SYNE1: variants seen among roughly 807,000 people sequenced by gnomAD.
SYNE1 encodes spectrin repeat containing nuclear envelope protein 1, also known as nesprin-1.
In SYNE1, 616 loss-of-function variants were observed where a neutral mutation model predicts 1,111.0. The ratio of observed to expected loss-of-function variants is 0.55; its 90% CI spans 0.52 to 0.59. The LOEUF (loss-of-function observed/expected upper bound fraction) is 0.59. Ranked by LOEUF, SYNE1 falls within the 20% of genes least tolerant of loss-of-function variation. The pLI is 0.00. For missense variants in SYNE1, 10,006 were observed against 10,417.0 expected, an observed-to-expected ratio of 0.96 and a Z score of 1.72; for synonymous variants, 3,855 against 3,825.8, an observed-to-expected ratio of 1.01 and a Z score of -0.28.
intron 126 of SYNE1, among the ~76,000 whole-genome samples, chr6:152,205,696 C>T (rs745632769): frequency 6.6e-6 from 1 of 152,170 alleles, no homozygotes; most frequent in Non-Finnish European, 1.5e-5. Flanking sequence ...CTTAATACAC[C>T]TCCTGGAGAT....
intron 39 of SYNE1, among the ~76,000 whole-genome samples, chr6:152,420,162 A>G (rs2098233421): frequency 1.3e-5 from 2 of 152,180 alleles, no homozygotes; most frequent in Admixed American, 1.3e-4. Context: ...TTTGTCATCC[A>G]TAGACAATTA....
Position 152,511,046 on chromosome 6 carries a change from G to T in SYNE1, c.367C>A (p.Leu123Ile), listed in dbSNP as rs1488227663. The change falls in exon 7 of 146, where the codon CTT becomes ATT. Residue 123 changes from leucine to isoleucine, a missense_variant. Around this residue, in one of 7 missense-constraint regions of SYNE1, gnomAD observed 1,971 missense variants for 2,084.1 expected, o/e 0.95. Coordinates refer to ENST00000367255, the MANE Select transcript of SYNE1 (RefSeq NM_182961.4). ...DIADGRPSIVLGLMWTIILYF... is the reference protein window; with the variant it reads ...DIADGRPSIVIGLMWTIILYF... ...AGAATAATGGTCCACATCAATCCAA[G>T]AACTATTGAGGGTCGGCCATCAGCT... The T allele has an allele frequency of 6.2e-7, 1 of 1,613,982 alleles. No individual in the cohort carries two copies. The highest frequency in any genetic ancestry group is 8.5e-7 in the Non-Finnish European group (1 of 1,179,904).
intron 125 of SYNE1, 107 bp downstream of exon 125, chr6:152,207,865 T>C (rs2076806472): frequency 6.0e-6 from 6 of 999,346 alleles, no homozygotes; most frequent in South Asian, 2.7e-5. Context: ...ACAATGTTTG[T>C]CCCAGCTGCA....
intron 73 of SYNE1, among the ~76,000 whole-genome samples, chr6:152,345,905 T>C (rs572397248): frequency 1.3e-5 from 2 of 152,326 alleles, no homozygotes; most frequent in East Asian, 3.9e-4. Flanking sequence ...TAAGTCATAT[T>C]TGTCAGTTAC....
chr6:152,318,800 TA>T, intron 85 of SYNE1, 62 bp downstream of exon 85: 1 of 1,597,260 alleles, frequency 6.3e-7, no homozygotes, highest in Non-Finnish European at 8.5e-7. Flanking sequence ...TATCCCCAAG[TA>T]AAACTGACTC....
At position 152,373,018 on chromosome 6, in the gene SYNE1, T is replaced by C. The variant is rs200381107; in HGVS notation, c.9507+19A>G. The C allele has an allele frequency of 1.5e-4, 241 of 1,610,406 alleles. No individual in the cohort carries two copies. The African/African-American group carries it at 2.9e-3, about 19-fold the overall frequency. ...TAACAAATAACACAGAATGCTTCCA[T>C]GTGGTTGGCTATATATACCTCTAGA... On this transcript the variant is annotated intron_variant, in intron 59 of 145. Transcript: ENST00000367255.
chr6:152,300,983 C>A (rs2095137975), intron 92 of SYNE1, among the ~76,000 whole-genome samples: 1 of 152,212 alleles, frequency 6.6e-6, no homozygotes, highest in Non-Finnish European at 1.5e-5. Flanking sequence ...ATTTGTAAAA[C>A]AATCAGGGAT....
intron 87 of SYNE1, chr6:152,315,147 T>C (rs901387832): frequency 6.6e-6 from 1 of 151,280 alleles, no homozygotes; most frequent in Non-Finnish European, 1.5e-5. Context: ...ATATTTTGGA[T>C]TGTAGCCATA....
intron 127 of SYNE1, among the ~76,000 whole-genome samples, chr6:152,191,465 T>A (rs1202652401): frequency 6.6e-6 from 1 of 152,130 alleles, no homozygotes; most frequent in Non-Finnish European, 1.5e-5. Context: ...TTACTTGCTA[T>A]TGGTCTGCTT....
intron 3 of SYNE1, among the ~76,000 whole-genome samples, chr6:152,594,025 C>G (rs818453): frequency 0.06 from 9,168 of 152,202 alleles, 435 homozygotes; most frequent in East Asian, 0.2. Context: ...TCCCCCACCC[C>G]CTGCCTCCGC....
chr6:152,259,293 T>C (rs73783819), intron 101 of SYNE1, among the ~76,000 whole-genome samples: 2,724 of 152,312 alleles, frequency 0.018, 71 homozygotes, highest in African/African-American at 0.062. Context: ...TTTAGAAATG[T>C]ATGCACTATT....
chr6:152,433,235 T>TA (rs965655915), intron 34 of SYNE1, among the ~76,000 whole-genome samples: 43 of 152,148 alleles, frequency 2.8e-4, no homozygotes, highest in Non-Finnish European at 5.1e-4. Flanking sequence ...TGGCCAATGA[T>TA]AGTCTATCCA....
chr6:152,340,359 A>G (rs772719737), intron 74 of SYNE1, among the ~76,000 whole-genome samples: 32 of 152,236 alleles, frequency 2.1e-4, no homozygotes, highest in African/African-American at 4.8e-4. Flanking sequence ...ATACATCCCA[A>G]TTTGCTGGGT....
chr6:152,507,893 T>C (rs1029745897), intron 8 of SYNE1, among the ~76,000 whole-genome samples: 1 of 152,202 alleles, frequency 6.6e-6, no homozygotes, highest in African/African-American at 2.4e-5. Context: ...CTGAAATCAT[T>C]TTTAAATTTA....
At chr6:152,262,927 C>A (rs940138724) in intron 100 of SYNE1, among the ~76,000 whole-genome samples, 2 of 150,166 alleles carry the variant, frequency 1.3e-5, no homozygotes, top group African/African-American at 4.9e-5. Flanking sequence ...GAAGGTAGCA[C>A]AGGACACGGG....
In SYNE1 at chr6:152,239,645, A is replaced by G. The variant is rs112515025; in HGVS notation, c.19955T>C (p.Ile6652Thr). 3.7e-6 allele frequency: 6 copies of G among 1,614,214 alleles called. No homozygotes were observed. The highest frequency in any genetic ancestry group is 5.1e-6 in the Non-Finnish European group (6 of 1,180,040). Residue 6652 changes from isoleucine to threonine, a missense_variant, in exon 108 of 146, where the codon ATC becomes ACC. Physicochemically the swap from Ile to Thr is moderately conservative, Grantham distance 89. Around this residue, in one of 7 missense-constraint regions of SYNE1, gnomAD observed 2,182 missense variants for 2,287.8 expected, o/e 0.95. Coordinates refer to ENST00000367255, the MANE Select transcript of SYNE1 (RefSeq NM_182961.4). The stretch of plus-strand genomic sequence containing the variant: ...GGTTTCCTTTTGGACTGCAAAGCTG[A>G]TTATCTTTCTGAAGAGTGTTTCAGT... The part of the protein sequence containing the change: ...ILTETLFRKI[I>T]SFAVQKETQF...
At position 152,510,446 on chromosome 6, in the gene SYNE1, C is replaced by T. The variant is rs944751461; in HGVS notation, c.403-75G>A. ...TATTTCCTCAGATGTTTTACTTTTC[C>T]AGCAACAAATGAGTTATGTTAACAC... is the stretch of plus-strand genomic sequence containing the variant. On this transcript the variant is annotated intron_variant, in intron 7 of 145. Transcript: ENST00000367255. The T allele has an allele frequency of 2.7e-5, 41 of 1,524,516 alleles. 1 individual carries two copies. The African/African-American group carries it at 4.5e-4, about 17-fold the overall frequency. The allele number at this position is 1,524,516 out of a possible 1,614,324, so 94.4% of individuals were successfully genotyped here. A position where few individuals can be genotyped will look rare whatever the true frequency, so the allele number is the denominator to read the frequency against.
intron 17 of SYNE1, 58 bp downstream of exon 17, chr6:152,465,924 T>C: frequency 8.1e-7 from 1 of 1,237,298 alleles, no homozygotes; most frequent in Non-Finnish European, 1.2e-6. Context: ...GATAGAAACC[T>C]GCAGGCTCTA....
intron 128 of SYNE1, among the ~76,000 whole-genome samples, chr6:152,184,770 G>A (rs1160035695): frequency 6.6e-6 from 1 of 152,068 alleles, no homozygotes; most frequent in Non-Finnish European, 1.5e-5. Flanking sequence ...AAAAGACACA[G>A]TGAGGCTACA....
Sources: gnomAD v4.1 joint callset for allele counts (sites outside exome capture counted in the v4.1 genomes callset) on GRCh38, gnomAD v4.1.1 for gene constraint, gnomAD v4.1.1 regional missense constraint, MANE v1.5 for transcripts, NCBI Gene and HGNC (gene_info 2026-07-23, HGNC 2026-07-21) for gene names.